CYFIP1: variants seen among roughly 807,000 people sequenced by gnomAD.
CYFIP1 encodes the protein cytoplasmic FMR1-interacting protein 1.
CYFIP1 carries 58 observed loss-of-function variants against 163.5 expected under a neutral mutation model. The ratio of observed to expected loss-of-function variants is 0.35; its 90% CI spans 0.29 to 0.44. The LOEUF (loss-of-function observed/expected upper bound fraction) is 0.44, where lower values mean the gene tolerates loss of function less well. CYFIP1 is among the 20% of genes least tolerant of loss of function. The probability of loss-of-function intolerance (pLI) is 1.00; values close to 1 mark genes in which losing one functional copy is unlikely to be tolerated. For synonymous variants in CYFIP1, 663 were observed against 660.7 expected (o/e 1.00, Z -0.05); for missense variants, 1,338 against 1,653.8 (o/e 0.81, Z 3.31).
chr15:22,918,599 T>C lies in CYFIP1; in HGVS notation c.1526+93A>G, dbSNP rs566842528. On this transcript the variant is annotated intron_variant, in intron 14 of 30. Transcript: ENST00000617928. Reference sequence around the variant, plus strand: ...AAGGTTGAAGATAAATATATTGAAATCATTTTTGAGAATTTAACGCTCCTG... The same window carrying C: ...AAGGTTGAAGATAAATATATTGAAACCATTTTTGAGAATTTAACGCTCCTG... 3 of 1,195,818 alleles carry C rather than the reference T, an allele frequency of 2.5e-6. No homozygotes were observed. The African/African-American group carries it at 4.6e-5, about 18-fold the overall frequency. 74.1% of individuals were successfully genotyped at this position (1,195,818 alleles called of 1,614,324 possible).
upstream of CYFIP1, among the ~76,000 whole-genome samples, chr15:22,980,808 G>A (rs943260065): frequency 1.3e-5 from 2 of 151,986 alleles, no homozygotes; most frequent in African/African-American, 4.8e-5. Context: ...GCGCTCGTCG[G>A]GAGGGTTCCA....
intron 1 of CYFIP1, among the ~76,000 whole-genome samples, chr15:22,953,844 A>G (rs947996391): frequency 6.6e-6 from 1 of 152,170 alleles, no homozygotes; most frequent in Non-Finnish European, 1.5e-5. Context: ...TCACGAAGTC[A>G]GGAGATCGAG....
intron 27 of CYFIP1, 110 bp downstream of exon 27, chr15:22,875,089 A>G: frequency 2.1e-6 from 2 of 968,124 alleles, no homozygotes; most frequent in Non-Finnish European, 3.3e-6. Flanking sequence ...ATGACTGAAC[A>G]GGCGCCAAAC....
intron 16 of CYFIP1, 159 bp from the exon 17 acceptor site, chr15:22,915,041 A>C: frequency 1.6e-6 from 1 of 641,740 alleles, no homozygotes; most frequent in Non-Finnish European, 2.5e-6. Context: ...GGGGCCTTGC[A>C]CTAGGGACAG....
intron 8 of CYFIP1, among the ~76,000 whole-genome samples, chr15:22,937,761 C>T (rs887019310): frequency 6.6e-6 from 1 of 151,992 alleles, no homozygotes; most frequent in African/African-American, 2.4e-5. Flanking sequence ...ACCACCACGC[C>T]TGGCTAATTT....
At chr15:22,916,850 A>G in intron 15 of CYFIP1, 1 of 1,552,908 alleles carries the variant, frequency 6.4e-7, no homozygotes, top group Non-Finnish European at 8.7e-7. Flanking sequence ...CCTCCGTGCC[A>G]TAAACGTCAA....
At chr15:22,897,350 G>A (rs1231706543) in intron 22 of CYFIP1, among the ~76,000 whole-genome samples, 2 of 152,034 alleles carry the variant, frequency 1.3e-5, no homozygotes, top group African/African-American at 2.4e-5. Context: ...AATGTCTTGG[G>A]GGGCAGGCAG....
chr15:22,939,282 T>C lies in CYFIP1; in HGVS notation c.705A>G (p.Glu235=), dbSNP rs2061819300. The part of the protein sequence containing the change: ...QQQLEVISGY[E]ELLADIVNLC... The stretch of plus-strand genomic sequence containing the variant: ...GATTCACAATATCTGCCAGGAGCTC[T>C]TCGTAGCCAGAAATCACTTCGAGCT... Residue 235 remains glutamate (E), a synonymous_variant, in exon 8 of 31, where the codon GAA becomes GAG. Coordinates refer to ENST00000617928, the MANE Select transcript of CYFIP1 (RefSeq NM_014608.6). 6.2e-7 allele frequency: 1 copy of C among 1,613,958 alleles called. No individual in the cohort carries two copies. The highest frequency in any genetic ancestry group is 1.3e-5 in the African/African-American group (1 of 74,926).
At chr15:22,902,289 A>T (rs1209758020) in intron 22 of CYFIP1, among the ~76,000 whole-genome samples, 1 of 152,238 alleles carries the variant, frequency 6.6e-6, no homozygotes, top group Non-Finnish European at 1.5e-5. Flanking sequence ...GCTGATCTGC[A>T]CACAGAAGTG....
Position 22,918,701 on chromosome 15 carries a change from A to G in CYFIP1, c.1517T>C (p.Val506Ala). 1 of 1,600,528 alleles carries G rather than the reference A, an allele frequency of 6.2e-7. No individual in the cohort carries two copies. Among genetic ancestry groups the G allele is most frequent in the Non-Finnish European group, 8.5e-7 (1 of 1,173,814 alleles). ...LRQAIKKKKN[V>A]IQSVLQAIRK... ...CGTGGGGAAGGCTGACCTCTGGATG[A>G]CGTTCTTCTTCTTCTTGATGGCCTG... Residue 506 changes from valine to alanine, a missense_variant, in exon 14 of 31, where the codon GTC (valine) becomes GCC (alanine). This residue lies in a region of CYFIP1 where 824 missense variants were observed against 995.7 expected (regional missense o/e 0.83). Transcript: ENST00000617928.
At chr15:22,939,883 C>T (rs553466578) in intron 6 of CYFIP1, among the ~76,000 whole-genome samples, 14 of 152,256 alleles carry the variant, frequency 9.2e-5, no homozygotes, top group African/African-American at 3.1e-4. Context: ...CTGCCATCTC[C>T]GTGACTCCCA....
At chr15:22,881,725 A>G in intron 25 of CYFIP1, 121 bp downstream of exon 25, 3 of 893,106 alleles carry the variant, frequency 3.4e-6, no homozygotes, top group Non-Finnish European at 5.2e-6. Flanking sequence ...TGTAAGGTGC[A>G]TTTGTCTGTC....
intron 23 of CYFIP1, among the ~76,000 whole-genome samples, chr15:22,883,356 C>A (rs2059824301): frequency 6.6e-6 from 1 of 152,160 alleles, no homozygotes. Context: ...AAGGTCGGAC[C>A]CTGAAGGGGC....
chr15:22,929,356 G>A (rs915675367), intron 11 of CYFIP1, among the ~76,000 whole-genome samples: 3 of 152,054 alleles, frequency 2.0e-5, no homozygotes, highest in Non-Finnish European at 2.9e-5. Flanking sequence ...GATTATGACC[G>A]GGTGCAATGG....
chr15:22,880,044 C>G lies in CYFIP1; in HGVS notation c.2912-1G>C. The G allele has an allele frequency of 6.2e-7, 1 of 1,613,646 alleles. No homozygotes were observed. Reference sequence around the variant, plus strand: ...TGGTGGTGGAAGAACTCCAGGATACCTACGGTGGCGGGAGTGAGGTGGGGT... The same window carrying G: ...TGGTGGTGGAAGAACTCCAGGATACGTACGGTGGCGGGAGTGAGGTGGGGT... On this transcript the variant is annotated splice_acceptor_variant, in intron 25 of 30. Coordinates refer to ENST00000617928, the MANE Select transcript of CYFIP1 (RefSeq NM_014608.6). LOFTEE classifies it high-confidence loss of function.
At chr15:22,948,160 G>C (rs553072074) in intron 1 of CYFIP1, 1 of 187,948 alleles carries the variant, frequency 5.3e-6, no homozygotes, top group East Asian at 1.9e-4. Context: ...TGCACTGGCT[G>C]AGGGTGGAGA....
rs375928266 is a variant in CYFIP1, at chr15:22,909,319, G to A, written c.2269-6C>T. 77 of 1,613,708 alleles carry A rather than the reference G, an allele frequency of 4.8e-5. No homozygotes were observed. In the African/African-American group the frequency reaches 5.2e-4, roughly 11 times the overall value. On this transcript the variant is annotated splice_polypyrimidine_tract_variant and splice_region_variant and intron_variant, in intron 20 of 30. Coordinates refer to ENST00000617928, the MANE Select transcript of CYFIP1 (RefSeq NM_014608.6). ...TCTATTGATCTGCCGAGGAGCTGGCGTACACAGGGAAGGATGGCAGGTAAA... is the reference window on the plus strand; with the variant it reads ...TCTATTGATCTGCCGAGGAGCTGGCATACACAGGGAAGGATGGCAGGTAAA...
At position 22,903,866 on chromosome 15, in the gene CYFIP1, T is replaced by C. The variant is rs771057408; in HGVS notation, c.2428A>G (p.Lys810Glu). The C allele has an allele frequency of 1.2e-6, 2 of 1,614,152 alleles. No individual in the cohort carries two copies. The highest frequency in any genetic ancestry group is 2.2e-5 in the South Asian group (2 of 91,078). Residue 810 changes from lysine (K) to glutamate (E), a missense_variant, in exon 22 of 31, where the codon AAG becomes GAG. Physicochemically the swap from Lys to Glu is moderately conservative, Grantham distance 56. Transcript: ENST00000617928. ...GLLEINRMTHKLLSRYLTLDG... is the reference protein window; with the variant it reads ...GLLEINRMTHELLSRYLTLDG... ...AGCGTCAGGTACCGGCTCAGCAGCT[T>C]GTGGGTCATGCGGTTGATTTCCAAC...
At chr15:22,965,036 T>TTGTGTGTG (rs56857768) in intron 1 of CYFIP1, among the ~76,000 whole-genome samples, 56 of 149,514 alleles carry the variant, frequency 3.7e-4, no homozygotes, top group Non-Finnish European at 5.5e-4. Context: ...TAGTATTCCA[T>TTGTGTGTG]TGTGTGTGTG....
Sources: gnomAD v4.1 joint callset for allele counts (sites outside exome capture counted in the v4.1 genomes callset) on GRCh38, gnomAD v4.1.1 for gene constraint, gnomAD v4.1.1 regional missense constraint, MANE v1.5 for transcripts, NCBI Gene and HGNC (gene_info 2026-07-23, HGNC 2026-07-21) for gene names.